AKAP13: variants seen among roughly 807,000 people sequenced by gnomAD.
AKAP13 encodes the protein A-kinase anchoring protein 13, also known as A-kinase anchor protein 13.
AKAP13 carries 80 observed loss-of-function variants against 264.5 expected under a neutral mutation model. The observed-to-expected ratio is 0.30, with a 90% CI of 0.25 to 0.36. The LOEUF (loss-of-function observed/expected upper bound fraction) is 0.36. Ranked by LOEUF, AKAP13 falls within the 10% of genes least tolerant of loss-of-function variation. The probability of loss-of-function intolerance (pLI) is 1.00; values close to 1 mark genes in which losing one functional copy is unlikely to be tolerated. For synonymous variants in AKAP13, 1,380 were observed against 1,250.2 expected (o/e 1.10, Z -2.19); for missense variants, 3,712 against 3,435.2 (o/e 1.08, Z -2.01).
intron 14 of AKAP13, among the ~76,000 whole-genome samples, chr15:85,673,001 C>G (rs2084006390): frequency 6.6e-6 from 1 of 152,218 alleles, no homozygotes; most frequent in East Asian, 1.9e-4. Flanking sequence ...AATCTCACTG[C>G]TTTCCAGCTT....
At chr15:85,462,908 C>T (rs1488720118) in intron 1 of AKAP13, among the ~76,000 whole-genome samples, 2 of 147,568 alleles carry the variant, frequency 1.4e-5, no homozygotes, top group Admixed American at 1.4e-4. Flanking sequence ...CCTGTAGTCC[C>T]AGCTACTTGG....
intron 10 of AKAP13, among the ~76,000 whole-genome samples, chr15:85,653,649 A>G (rs2082968581): frequency 1.3e-5 from 2 of 152,168 alleles, no homozygotes; most frequent in African/African-American, 4.8e-5. Context: ...AGATTTTCAT[A>G]ATTTTTTTCT....
At chr15:85,729,044 T>C (rs1197648208) in intron 29 of AKAP13, among the ~76,000 whole-genome samples, 2 of 152,116 alleles carry the variant, frequency 1.3e-5, no homozygotes, top group African/African-American at 2.4e-5. Context: ...CTCATGCCTG[T>C]AATCCCAGCA....
At chr15:85,566,451 T>C (rs2078608347) in intron 5 of AKAP13, among the ~76,000 whole-genome samples, 2 of 152,246 alleles carry the variant, frequency 1.3e-5, no homozygotes, top group African/African-American at 2.4e-5. Context: ...ATTGAGACAT[T>C]AATGTTGAGA....
At chr15:85,492,859 T>G (rs930660491) in intron 2 of AKAP13, among the ~76,000 whole-genome samples, 1 of 152,252 alleles carries the variant, frequency 6.6e-6, no homozygotes, top group East Asian at 1.9e-4. Context: ...CATGATGTAT[T>G]CTTTTCCAAT....
intron 2 of AKAP13, among the ~76,000 whole-genome samples, chr15:85,516,901 G>C (rs936267690): frequency 5.9e-5 from 9 of 152,122 alleles, no homozygotes; most frequent in Admixed American, 5.9e-4. Flanking sequence ...AAACTTTCAG[G>C]GCATGGAGAA....
At chr15:85,656,596 G>A (rs182926541) in intron 11 of AKAP13, among the ~76,000 whole-genome samples, 2 of 152,182 alleles carry the variant, frequency 1.3e-5, no homozygotes, top group East Asian at 1.9e-4. Flanking sequence ...ACAGGCGCCC[G>A]CCACCACGCC....
intron 1 of AKAP13, among the ~76,000 whole-genome samples, chr15:85,400,937 C>T (rs2150838448): frequency 6.6e-6 from 1 of 151,410 alleles, no homozygotes; most frequent in African/African-American, 2.4e-5. Context: ...TCTTGGCTTA[C>T]TGCAACCTCC....
At chr15:85,608,933 C>G (rs2151385232) in intron 8 of AKAP13, among the ~76,000 whole-genome samples, 1 of 152,248 alleles carries the variant, frequency 6.6e-6, no homozygotes, top group East Asian at 1.9e-4. Flanking sequence ...CACTGGCTCC[C>G]TATTGCCCCT....
At chr15:85,621,625 A>G (rs2081191142) in intron 8 of AKAP13, 1 of 152,180 alleles carries the variant, frequency 6.6e-6, no homozygotes, top group Non-Finnish European at 1.5e-5. Context: ...TGGGCATGGA[A>G]AGCCCTTGTG....
chr15:85,416,281 A>G (rs1260995722), intron 1 of AKAP13, among the ~76,000 whole-genome samples: 2 of 152,192 alleles, frequency 1.3e-5, no homozygotes, highest in African/African-American at 4.8e-5. Flanking sequence ...AAAATAAAAG[A>G]TGTCCTGTTT....
In AKAP13 at chr15:85,518,418, C is replaced by T. The variant is rs536826360; in HGVS notation, c.34-3010C>T. On this transcript the variant is annotated intron_variant, in intron 2 of 36. Transcript: ENST00000394518. The stretch of plus-strand genomic sequence containing the variant: ...AGGTAATTTTAATTCCAGGTGCCTT[C>T]GGAATCTAAATTTCAAGAGGCTTTG... Among the ~76,000 whole-genome samples, 310 of 152,244 alleles carry T rather than the reference C, an allele frequency of 2.0e-3. 1 individual carries two copies. The highest frequency in any genetic ancestry group is 5.2e-3 in the African/African-American group (216 of 41,536).
rs913015817 is a variant in AKAP13 at position 85,746,307 on chromosome 15, G to C, written c.*1630G>C. On this transcript the variant is annotated 3_prime_UTR_variant, in exon 37 of 37. Transcript: ENST00000394518. Reference sequence around the variant, plus strand: ...TTTTATTTATTGTATTTGTGTGTTTGTGTTTGTTTTTTTTTAAGGGTGAGC... The same window carrying C: ...TTTTATTTATTGTATTTGTGTGTTTCTGTTTGTTTTTTTTTAAGGGTGAGC... 3 of 152,192 alleles carry C rather than the reference G, an allele frequency of 2.0e-5. No individual in the cohort carries two copies. In the East Asian group the frequency reaches 5.8e-4, roughly 29 times the overall value. 9.4% of individuals were successfully genotyped at this position (152,192 alleles called of 1,614,324 possible).
rs557571271 is a variant in AKAP13, at chr15:85,512,957, C to T, written c.34-8471C>T. ...CTGCAAGCTCTGCCTCCTGGGTTCA[C>T]GCCATTCTCCTGCCTCAGCCTCCCG... On this transcript the variant is annotated intron_variant, in intron 2 of 36. Coordinates refer to ENST00000394518, the MANE Select transcript of AKAP13 (RefSeq NM_007200.5). 1.3e-3 allele frequency among the ~76,000 whole-genome samples: 199 copies of T among 152,016 alleles called. 1 individual carries two copies. Among genetic ancestry groups the T allele is most frequent in the African/African-American group, 3.4e-3 (142 of 41,484 alleles).
intron 5 of AKAP13, among the ~76,000 whole-genome samples, chr15:85,546,427 G>A (rs1451730474): frequency 1.3e-5 from 2 of 150,372 alleles, no homozygotes; most frequent in Non-Finnish European, 3.0e-5. Context: ...TTCATATAAC[G>A]GAATACTACA....
At chr15:85,388,534 G>A (rs773136611) in intron 1 of AKAP13, among the ~76,000 whole-genome samples, 1 of 139,232 alleles carries the variant, frequency 7.2e-6, no homozygotes, top group South Asian at 2.2e-4. Context: ...TGAGGAAATT[G>A]TCTTCTATGT....
chr15:85,521,639 TA>T (rs143785838), intron 3 of AKAP13, 64 bp downstream of exon 3: 233,413 of 1,559,818 alleles, frequency 0.15, 19,635 homozygotes, highest in Non-Finnish European at 0.17. Context: ...ATTCGATGTT[TA>T]TGAGTATAGA....
chr15:85,549,406 T>G (rs373783538), intron 5 of AKAP13, among the ~76,000 whole-genome samples: 1 of 152,262 alleles, frequency 6.6e-6, no homozygotes, highest in East Asian at 1.9e-4. Flanking sequence ...AGAGCCAGTT[T>G]AAACATATTT....
At chr15:85,524,845 C>G (rs2076964183) in intron 3 of AKAP13, among the ~76,000 whole-genome samples, 2 of 150,106 alleles carry the variant, frequency 1.3e-5, no homozygotes, top group Non-Finnish European at 3.0e-5. Context: ...CTGTCTGTCC[C>G]TCCCTCCTGC....
Sources: gnomAD v4.1 joint callset for allele counts (sites outside exome capture counted in the v4.1 genomes callset) on GRCh38, gnomAD v4.1.1 for gene constraint, MANE v1.5 for transcripts, NCBI Gene and HGNC (gene_info 2026-07-23, HGNC 2026-07-21) for gene names.